The following ASPG variants were observed in gnomAD, a reference collection of about 807,000 sequenced individuals.
ASPG encodes asparaginase.
ASPG carries 53 observed loss-of-function variants against 63.2 expected under a neutral mutation model. That is an observed-to-expected ratio of 0.84 (90% confidence interval 0.67 to 1.05). The LOEUF (loss-of-function observed/expected upper bound fraction) is 1.05. Ranked by LOEUF, ASPG falls within the 50% of genes least tolerant of loss-of-function variation. The probability of loss-of-function intolerance (pLI) is 0.00; values close to 1 mark genes in which losing one functional copy is unlikely to be tolerated. For missense variants in ASPG, 741 were observed against 794.4 expected (o/e 0.93, Z 0.81); for synonymous variants, 370 against 355.0 (o/e 1.04, Z -0.48).
chr14:104,105,760 G>T (rs1024398092), intron 10 of ASPG, among the ~76,000 whole-genome samples: 4 of 152,216 alleles, frequency 2.6e-5, no homozygotes, highest in African/African-American at 4.8e-5. Context: ...GCGGGTGAGT[G>T]GGGGCGGTGC....
rs542393248 is a variant in ASPG, at chr14:104,113,069, T to C, written c.*525T>C. On this transcript the variant is annotated 3_prime_UTR_variant, in exon 16 of 16. Coordinates refer to ENST00000551177, the MANE Select transcript of ASPG (RefSeq NM_001080464.3). Reference sequence around the variant, plus strand: ...AGCATGCTGCCCCTGCTTAACTCTTTAGTCCTCACAGTCCCGTCCCAGTTG... The same window carrying C: ...AGCATGCTGCCCCTGCTTAACTCTTCAGTCCTCACAGTCCCGTCCCAGTTG... 6.1e-5 allele frequency: 13 copies of C among 212,522 alleles called. No homozygotes were observed. In the East Asian group the frequency reaches 1.5e-3, roughly 24 times the overall value. The allele number at this position is 212,522 out of a possible 1,614,324, so 13.2% of individuals were successfully genotyped here.
In ASPG at chr14:104,110,406, CA is replaced by C. The variant is rs1188893921; in HGVS notation, c.1520+1092del. The C allele has an allele frequency of 1.0e-6, 1 of 985,368 alleles. No individual in the cohort carries two copies. Among genetic ancestry groups the C allele is most frequent in the Non-Finnish European group, 1.2e-6 (1 of 829,912 alleles). The allele number at this position is 985,368 out of a possible 1,614,324, so 61.0% of individuals were successfully genotyped here. ...ACTTGGTCAAGATTTGCACTCCAGA[CA>C]GGCCTTGCTGGCTCCATTGACAGAT... On this transcript the variant is annotated intron_variant, in intron 13 of 15. Transcript: ENST00000551177. This position sits in a 1 kb window ranked among gnomAD's most constrained non-coding sequence, Gnocchi z 4.7.
In ASPG at chr14:104,111,523, C is replaced by T. The variant is rs552709997; in HGVS notation, c.1542C>T (p.Leu514=). ...CCAGGCTGGCATACAGGGCCGACCT[C>T]GAAGGCCTGCAGGTGTGGTGGCAGG... is the stretch of plus-strand genomic sequence containing the variant. ...ELCRLAYRAD[L]EGLQVWWQAG... The change falls in exon 14 of 16, where the codon CTC becomes CTT. Residue 514 remains leucine (L), a synonymous_variant. Coordinates refer to ENST00000551177, the MANE Select transcript of ASPG (RefSeq NM_001080464.3). The T allele has an allele frequency of 9.0e-6, 14 of 1,551,344 alleles. No individual in the cohort carries two copies. The highest frequency in any genetic ancestry group is 1.0e-5 in the Non-Finnish European group (12 of 1,147,348).
intron 8 of ASPG, 26 bp downstream of exon 8, chr14:104,104,512 C>G (rs748657570): frequency 1.2e-6 from 2 of 1,606,656 alleles, no homozygotes; most frequent in Admixed American, 1.7e-5. Context: ...CAGGGCCTAG[C>G]GGGGAAGGGG....
chr14:104,102,312 C>T (rs1283070122), intron 6 of ASPG, among the ~76,000 whole-genome samples: 3 of 152,136 alleles, frequency 2.0e-5, no homozygotes, highest in African/African-American at 7.2e-5. Flanking sequence ...CATCTCCCCC[C>T]TTCAGCTCCA....
chr14:104,100,126 A>G (rs975488936), intron 6 of ASPG, among the ~76,000 whole-genome samples: 1 of 152,130 alleles, frequency 6.6e-6, no homozygotes, highest in Non-Finnish European at 1.5e-5. Flanking sequence ...ACCCTCCTGG[A>G]GAAAGGGTTG....
Position 104,110,862 on chromosome 14 carries a change from G to T in ASPG, c.1521-640G>T. On this transcript the variant is annotated intron_variant, in intron 13 of 15. Transcript: ENST00000551177. This position sits in a 1 kb window ranked among gnomAD's most constrained non-coding sequence, Gnocchi z 4.7. ...GAGTTCTTCCCAGGAGGGTGGCAGG[G>T]TGAGGAGGAGCTGGTGAGGGCCTGG... 2.0e-6 allele frequency: 2 copies of T among 985,390 alleles called. No individual in the cohort carries two copies. Among genetic ancestry groups the T allele is most frequent in the Non-Finnish European group, 2.4e-6 (2 of 829,910 alleles). 61.0% of individuals were successfully genotyped at this position (985,390 alleles called of 1,614,324 possible).
intron 15 of ASPG, 143 bp from the exon 16 acceptor site, chr14:104,112,381 G>A (rs2037408168): frequency 2.9e-6 from 2 of 685,838 alleles, no homozygotes; most frequent in Admixed American, 4.2e-5. Context: ...TTCCCACTTG[G>A]TTGTGTGGCC....
chr14:104,097,562 C>G lies in ASPG; in HGVS notation c.438C>G (p.Ile146Met). The change falls in exon 5 of 16, where the codon ATC (isoleucine) becomes ATG (methionine). Residue 146 changes from isoleucine to methionine, a missense_variant. Physicochemically the swap from Ile to Met is conservative, Grantham distance 10. Coordinates refer to ENST00000551177, the MANE Select transcript of ASPG (RefSeq NM_001080464.3). The stretch of plus-strand genomic sequence containing the variant: ...CGTGGCCTCTCCCCCAGGTGCCCAT[C>G]CATGCCCTGTGGAGCGACGGCCGTG... ...TVILTGAQVP[I>M]HALWSDGREN... 1.3e-6 allele frequency: 2 copies of G among 1,554,144 alleles called. No homozygotes were observed. The highest frequency in any genetic ancestry group is 1.2e-5 in the South Asian group (1 of 84,180).
At position 104,110,179 on chromosome 14, in the gene ASPG, G is replaced by A. The variant is rs1207089801; in HGVS notation, c.1520+864G>A. 10 of 985,146 alleles carry A rather than the reference G, an allele frequency of 1.0e-5. No individual in the cohort carries two copies. The highest frequency in any genetic ancestry group is 1.1e-5 in the Non-Finnish European group (9 of 829,890). 61.0% of individuals were successfully genotyped at this position (985,146 alleles called of 1,614,324 possible). A position where few individuals can be genotyped will look rare whatever the true frequency, so the allele number is the denominator to read the frequency against. ...GGTGCAGGTGGTGGCTGGGGTGGGG[G>A]TGCTGTGAGTGGTGGGGTCTGTGCG... On this transcript the variant is annotated intron_variant, in intron 13 of 15. Coordinates refer to ENST00000551177, the MANE Select transcript of ASPG (RefSeq NM_001080464.3). The surrounding 1 kb of genome is among the most constrained non-coding windows in gnomAD (Gnocchi z 4.7).
Position 104,114,890 on chromosome 14 carries a change from T to G in ASPG, c.*2346T>G, listed in dbSNP as rs2037442533. ...GCGTTGGCACAGGGCAGAGCTGGGC[T>G]GTGAATCAGGGCCGCCTTGTCTCTT... is the stretch of plus-strand genomic sequence containing the variant. On this transcript the variant is annotated 3_prime_UTR_variant, in exon 16 of 16. Coordinates refer to ENST00000551177, the MANE Select transcript of ASPG (RefSeq NM_001080464.3). 1 of 152,254 alleles carries G rather than the reference T, an allele frequency of 6.6e-6. No homozygotes were observed. Among genetic ancestry groups the G allele is most frequent in the African/African-American group, 2.4e-5 (1 of 41,450 alleles). The allele number at this position is 152,254 out of a possible 1,614,324, so 9.4% of individuals were successfully genotyped here.
intron 10 of ASPG, among the ~76,000 whole-genome samples, chr14:104,105,971 C>T (rs1386776381): frequency 6.6e-6 from 1 of 152,272 alleles, no homozygotes; most frequent in East Asian, 1.9e-4. Context: ...GGCCAAACAT[C>T]CAGGCCTGAC....
At position 104,115,169 on chromosome 14, in the gene ASPG, G is replaced by A. The variant is rs2037444795; in HGVS notation, c.*2625G>A. 1 of 152,192 alleles carries A rather than the reference G, an allele frequency of 6.6e-6. No homozygotes were observed. Among genetic ancestry groups the A allele is most frequent in the African/African-American group, 2.4e-5 (1 of 41,438 alleles). 9.4% of individuals were successfully genotyped at this position (152,192 alleles called of 1,614,324 possible). A position where few individuals can be genotyped will look rare whatever the true frequency, so the allele number is the denominator to read the frequency against. ...TCCTAAAATCAGACTCCTCAGCTGAGGGCCCTCCAGGACCGCCCTTCCCCA... is the reference window on the plus strand; with the variant it reads ...TCCTAAAATCAGACTCCTCAGCTGAAGGCCCTCCAGGACCGCCCTTCCCCA... On this transcript the variant is annotated 3_prime_UTR_variant, in exon 16 of 16. Coordinates refer to ENST00000551177, the MANE Select transcript of ASPG (RefSeq NM_001080464.3).
At chr14:104,111,719 T>C (rs2141066422) in intron 14 of ASPG, 118 bp downstream of exon 14, 1 of 913,170 alleles carries the variant, frequency 1.1e-6, no homozygotes, top group Non-Finnish European at 1.7e-6. Context: ...CCCAAATGCC[T>C]GGCCCTCCCC....
intron 2 of ASPG, 171 bp downstream of exon 2, chr14:104,092,912 G>C: frequency 1.6e-6 from 1 of 610,568 alleles, no homozygotes; most frequent in South Asian, 2.0e-5. Flanking sequence ...TTCCACCAGA[G>C]CCTGAACCTC....
In ASPG at chr14:104,111,570, C is replaced by T. The variant is rs764793778; in HGVS notation, c.1589C>T (p.Pro530Leu). Residue 530 changes from proline (P) to leucine (L), a missense_variant, in exon 14 of 16, where the codon CCG becomes CTG. Transcript: ENST00000551177. The part of the protein sequence containing the change: ...WWQAGADLGQ[P>L]GYDGHSALHV... ...CAGGCAGGGGCTGACCTGGGGCAGCCGGGCTATGACGGGCACAGCGCCCTG... is the reference window on the plus strand; with the variant it reads ...CAGGCAGGGGCTGACCTGGGGCAGCTGGGCTATGACGGGCACAGCGCCCTG... The T allele has an allele frequency of 1.6e-5, 25 of 1,550,934 alleles. No individual in the cohort carries two copies. The highest frequency in any genetic ancestry group is 7.1e-5 in the South Asian group (6 of 84,030).
intron 5 of ASPG, among the ~76,000 whole-genome samples, chr14:104,098,232 CA>C (rs2036715291): frequency 6.6e-6 from 1 of 152,116 alleles, no homozygotes; most frequent in South Asian, 2.1e-4. Flanking sequence ...GGAGGTTTTA[CA>C]TTAGAGATAG....
chr14:104,109,435 C>T lies in ASPG; in HGVS notation c.1520+120C>T. 2 of 1,121,090 alleles carry T rather than the reference C, an allele frequency of 1.8e-6. No individual in the cohort carries two copies. The highest frequency in any genetic ancestry group is 1.3e-6 in the Non-Finnish European group (1 of 799,898). 69.4% of individuals were successfully genotyped at this position (1,121,090 alleles called of 1,614,324 possible). Reference sequence around the variant, plus strand: ...GGTGTGGGGGCTTTCAGAGGCGAGGCCCGCTGACCTCAGTGTGCACCAACC... The same window carrying T: ...GGTGTGGGGGCTTTCAGAGGCGAGGTCCGCTGACCTCAGTGTGCACCAACC... On this transcript the variant is annotated intron_variant, in intron 13 of 15. Coordinates refer to ENST00000551177, the MANE Select transcript of ASPG (RefSeq NM_001080464.3). This position sits in a 1 kb window ranked among gnomAD's most constrained non-coding sequence, Gnocchi z 4.8.
rs974207291 is a variant in ASPG, at chr14:104,110,511, T to C, written c.1521-991T>C. On this transcript the variant is annotated intron_variant, in intron 13 of 15. Transcript: ENST00000551177. This position sits in a 1 kb window ranked among gnomAD's most constrained non-coding sequence, Gnocchi z 4.7. ...TCCAGGACTCTGCTTGGAAGTGGCC[T>C]GGCCAGCCTGAGCTGCTGGCTGGAC... 2.7e-5 allele frequency: 27 copies of C among 985,196 alleles called. No individual in the cohort carries two copies. The highest frequency in any genetic ancestry group is 3.3e-5 in the Non-Finnish European group (27 of 829,892). The allele number at this position is 985,196 out of a possible 1,614,324, so 61.0% of individuals were successfully genotyped here. A position where few individuals can be genotyped will look rare whatever the true frequency, so the allele number is the denominator to read the frequency against.
Sources: gnomAD v4.1 joint callset for allele counts (sites outside exome capture counted in the v4.1 genomes callset) on GRCh38, gnomAD v4.1.1 for gene constraint, Gnocchi (gnomAD v3.1) non-coding constraint, MANE v1.5 for transcripts, NCBI Gene and HGNC (gene_info 2026-07-23, HGNC 2026-07-21) for gene names.